The following VWF variants were observed in gnomAD, a reference collection of about 807,000 sequenced individuals.
The protein encoded by VWF is Factor VIII related antigen.
In VWF, 176 loss-of-function variants were observed where a neutral mutation model predicts 308.6. That is an observed-to-expected ratio of 0.57 (90% CI 0.50 to 0.65). The LOEUF (loss-of-function observed/expected upper bound fraction) is 0.65, where lower values mean the gene tolerates loss of function less well. Among genes scored for constraint, VWF ranks in the 30% least tolerant of loss-of-function variants. The pLI, the probability that VWF is intolerant of heterozygous loss-of-function variation, is 0.00. For synonymous variants in VWF, 1,385 were observed against 1,443.4 expected, an observed-to-expected ratio of 0.96 and a Z score of 0.92; for missense variants, 3,146 against 3,648.2, an observed-to-expected ratio of 0.86 and a Z score of 3.55.
At chr12:6,039,406 C>T (rs1269422007) in intron 18 of VWF, among the ~76,000 whole-genome samples, 4 of 152,172 alleles carry the variant, frequency 2.6e-5, no homozygotes, top group Admixed American at 2.6e-4. Context: ...CCATCGTGAC[C>T]CACTCTCCAG....
chr12:6,113,764 A>AAT (rs1945335823), intron 3 of VWF, among the ~76,000 whole-genome samples: 1 of 152,180 alleles, frequency 6.6e-6, no homozygotes, highest in African/African-American at 2.4e-5. Flanking sequence ...TCCAGTTTGC[A>AAT]CCCTCTCCCT....
chr12:6,104,224 G>A (rs1419966526), intron 5 of VWF, among the ~76,000 whole-genome samples: 1 of 151,996 alleles, frequency 6.6e-6, no homozygotes, highest in Non-Finnish European at 1.5e-5. Flanking sequence ...ACCACAATGA[G>A]ATATCATCTT....
At position 6,019,217 on chromosome 12, in the gene VWF, C is replaced by G; in HGVS notation, c.4201G>C (p.Val1401Leu). 6.2e-7 allele frequency: 1 copy of G among 1,613,918 alleles called. No individual in the cohort carries two copies. Among genetic ancestry groups the G allele is most frequent in the Non-Finnish European group, 8.5e-7 (1 of 1,179,868 alleles). Residue 1401 changes from valine (V) to leucine (L), a missense_variant, in exon 28 of 52, where the codon GTC becomes CTC. Physicochemically the swap from Val to Leu is conservative, Grantham distance 32. Coordinates refer to ENST00000261405, the MANE Select transcript of VWF (RefSeq NM_000552.5). This position sits in a 1 kb window ranked among gnomAD's most constrained non-coding sequence, Gnocchi z 5.8. ...QRMSRNFVRYVQGLKKKKVIV... is the reference protein window; with the variant it reads ...QRMSRNFVRYLQGLKKKKVIV... ...ACCTTCTTCTTCTTCAGGCCCTGGA[C>G]GTAGCGGACAAAGTTCCGGGACATC...
intron 2 of VWF, chr12:6,122,718 G>A: frequency 1.9e-6 from 1 of 523,138 alleles, no homozygotes; most frequent in South Asian, 1.4e-5. Flanking sequence ...AACCCAGGAA[G>A]ACTGACCTCT....
chr12:5,974,393 C>T, intron 43 of VWF, among the ~76,000 whole-genome samples: 1 of 152,128 alleles, frequency 6.6e-6, no homozygotes, highest in East Asian at 1.9e-4. Context: ...AGACATGGTT[C>T]CTCCTCCACT....
Position 6,018,910 on chromosome 12 carries a change from A to T in VWF, c.4508T>A (p.Leu1503Gln), listed in dbSNP as rs61750097. 1 of 1,609,286 alleles carries T rather than the reference A, an allele frequency of 6.2e-7. No individual in the cohort carries two copies. The stretch of plus-strand genomic sequence containing the variant: ...TTCACCAATTTTGTCCGATCCTTCC[A>T]GGACGAACGCCACATCCAGAACCAT... ...NSMVLDVAFV[L>Q]EGSDKIGEAD... The change falls in exon 28 of 52, where the codon CTG becomes CAG. Residue 1503 changes from leucine to glutamine, a missense_variant. Physicochemically the swap from Leu to Gln is moderately radical, Grantham distance 113 (BLOSUM62 -2). This residue lies in a region of VWF where 853 missense variants were observed against 1,177.8 expected (regional missense o/e 0.72). Transcript: ENST00000261405.
intron 47 of VWF, among the ~76,000 whole-genome samples, chr12:5,963,405 TAGA>T (rs1203433350): frequency 6.6e-6 from 1 of 152,144 alleles, no homozygotes; most frequent in African/African-American, 2.4e-5. Context: ...TTTAAAATAC[TAGA>T]AGATTCTGAA....
chr12:5,978,610 C>T (rs1943558296), intron 42 of VWF, among the ~76,000 whole-genome samples: 2 of 152,106 alleles, frequency 1.3e-5, no homozygotes, highest in South Asian at 4.2e-4. Context: ...TGTTAGGAAA[C>T]CAGAATTTTC....
chr12:6,100,969 GGTTATAAAACAAACATATTTAAAATTATT>G (rs758556094), intron 5 of VWF, among the ~76,000 whole-genome samples: 14 of 151,844 alleles, frequency 9.2e-5, no homozygotes, highest in Non-Finnish European at 1.9e-4. Flanking sequence ...TCTATATAAA[GGTTATAAAACAAACATATTTAAAATTATT>G]GTTGTAAAGA....
At chr12:6,034,849 T>C in intron 19 of VWF, 23 bp from the exon 20 acceptor site, 4 of 1,612,618 alleles carry the variant, frequency 2.5e-6, no homozygotes, top group Non-Finnish European at 3.4e-6. Context: ...ATGGCAGAGA[T>C]GACAAGTTGG....
rs58457258 is a variant in VWF at position 6,112,827 on chromosome 12, G to GACACACACAC, written c.221-1869_221-1860dup. On this transcript the variant is annotated intron_variant, in intron 3 of 51. Coordinates refer to ENST00000261405, the MANE Select transcript of VWF (RefSeq NM_000552.5). ...GGACAACCACACACACAGACACACA[G>GACACACACAC]ACACACACACACACACACACACACA... 7.0e-4 allele frequency among the ~76,000 whole-genome samples: 102 copies of GACACACACAC among 145,154 alleles called. 1 individual carries two copies. The highest frequency in any genetic ancestry group is 2.3e-3 in the African/African-American group (94 of 40,228).
chr12:5,987,794 C>T (rs928328171), intron 38 of VWF, among the ~76,000 whole-genome samples: 33 of 152,062 alleles, frequency 2.2e-4, no homozygotes, highest in Non-Finnish European at 8.8e-5. Flanking sequence ...AAAATGTAAA[C>T]GAATCTATAG....
intron 47 of VWF, among the ~76,000 whole-genome samples, chr12:5,957,471 G>A (rs1310843212): frequency 6.6e-6 from 1 of 151,980 alleles, no homozygotes; most frequent in Non-Finnish European, 1.5e-5. Context: ...TTACACAAAA[G>A]CATATACTCA....
Position 6,031,389 on chromosome 12 carries a change from T to A in VWF, c.2820+55A>T, listed in dbSNP as rs186636171. Reference sequence around the variant, plus strand: ...AATGAATGCTTGGAAAATGTTCCTATTAAGTGGCAGAAGCACAAAGCGGGA... The same window carrying A: ...AATGAATGCTTGGAAAATGTTCCTAATAAGTGGCAGAAGCACAAAGCGGGA... On this transcript the variant is annotated intron_variant, in intron 21 of 51. Transcript: ENST00000261405. 43 of 1,614,028 alleles carry A rather than the reference T, an allele frequency of 2.7e-5. No homozygotes were observed. In the African/African-American group the frequency reaches 4.5e-4, roughly 17 times the overall value.
At chr12:6,074,504 A>C (rs577973706) in intron 7 of VWF, among the ~76,000 whole-genome samples, 7 of 151,844 alleles carry the variant, frequency 4.6e-5, no homozygotes, top group Non-Finnish European at 8.8e-5. Context: ...AAAAAAAAAA[A>C]AAAAAACAGC....
chr12:5,991,203 AC>A (rs1943738679), intron 38 of VWF, among the ~76,000 whole-genome samples: 1 of 132,022 alleles, frequency 7.6e-6, no homozygotes, highest in Non-Finnish European at 1.7e-5. Flanking sequence ...ACACACACAC[AC>A]ACGCATGCAC....
rs372869480 is a variant in VWF at position 5,949,763 on chromosome 12, C to T, written c.8253+23G>A. The T allele has an allele frequency of 4.3e-6, 7 of 1,611,438 alleles. No homozygotes were observed. In the African/African-American group the frequency reaches 9.3e-5, roughly 22 times the overall value. On this transcript the variant is annotated intron_variant, in intron 51 of 51. Transcript: ENST00000261405. ...GGAGGCTCAGCCCTCCACACCCAGCCCTTATTGAAGCAGAGCCCTTACCTG... is the reference window on the plus strand; with the variant it reads ...GGAGGCTCAGCCCTCCACACCCAGCTCTTATTGAAGCAGAGCCCTTACCTG...
At chr12:6,051,098 T>A (rs990896932) in intron 16 of VWF, among the ~76,000 whole-genome samples, 1 of 152,162 alleles carries the variant, frequency 6.6e-6, no homozygotes. Flanking sequence ...GCAGGTGAAA[T>A]GATGTAATAT....
chr12:6,092,598 C>CTAGG (rs1945050785), intron 6 of VWF, among the ~76,000 whole-genome samples: 1 of 65,068 alleles, frequency 1.5e-5, no homozygotes, highest in African/African-American at 5.6e-5. Flanking sequence ...CCATGCCCAG[C>CTAGG]TAGTTAGTGA....
Sources: allele counts gnomAD v4.1 joint callset (sites outside exome capture counted in the v4.1 genomes callset), GRCh38; gene constraint gnomAD v4.1.1; regional missense constraint gnomAD v4.1.1; non-coding constraint Gnocchi (gnomAD v3.1); transcripts MANE v1.5; gene names NCBI Gene and HGNC (gene_info 2026-07-23, HGNC 2026-07-21).